The following NGLY1 variants were observed in gnomAD, a reference collection of about 807,000 sequenced individuals.
NGLY1 encodes the protein peptide-N(4)-(N-acetyl-beta-glucosaminyl)asparagine amidase.
NGLY1 carries 68 observed loss-of-function variants against 84.6 expected under a neutral mutation model. That is an observed-to-expected ratio of 0.80 (90% confidence interval 0.66 to 0.98). The LOEUF is 0.98. Among genes scored for constraint, NGLY1 ranks in the 50% least tolerant of loss-of-function variants. NGLY1 has a pLI of 0.00. For missense variants in NGLY1, 779 were observed against 770.2 expected (o/e 1.01, Z -0.14); for synonymous variants, 280 against 275.2 (o/e 1.02, Z -0.17).
intron 1 of NGLY1, among the ~76,000 whole-genome samples, chr3:25,789,098 T>C (rs1203401772): frequency 1.3e-5 from 2 of 152,240 alleles, no homozygotes; most frequent in Admixed American, 6.5e-5. Flanking sequence ...GGATAGCATG[T>C]GAAAAACAGA....
At chr3:25,739,921 C>T in intron 4 of NGLY1, 122 bp from the exon 5 acceptor site, 1 of 746,696 alleles carries the variant, frequency 1.3e-6, no homozygotes. Context: ...TTAAGGTTTT[C>T]ACTAATAAGA....
At chr3:25,746,997 G>A (rs1014370617) in intron 4 of NGLY1, among the ~76,000 whole-genome samples, 4 of 152,030 alleles carry the variant, frequency 2.6e-5, no homozygotes, top group Admixed American at 6.6e-5. Flanking sequence ...AAATTAGCCC[G>A]GCTAATTTTT....
intron 1 of NGLY1, among the ~76,000 whole-genome samples, chr3:25,780,270 C>T (rs2125325239): frequency 6.6e-6 from 1 of 152,332 alleles, no homozygotes; most frequent in Middle Eastern, 3.4e-3. Flanking sequence ...CACTGCAGAA[C>T]ATTCGCATTC....
At chr3:25,783,603 G>A (rs1010359108), upstream of NGLY1, 1 of 403,036 alleles carries the variant, frequency 2.5e-6, no homozygotes, top group African/African-American at 2.3e-5. The surrounding 1 kb of genome is among the most constrained non-coding windows in gnomAD (Gnocchi z 4.5). Flanking sequence ...GGCAGGGGCG[G>A]GGTCGGGGGC....
At chr3:25,755,602 C>T in intron 3 of NGLY1, 1 of 1,479,442 alleles carries the variant, frequency 6.8e-7, no homozygotes, top group Non-Finnish European at 9.4e-7. Context: ...AACATGGTTT[C>T]ATCATAGAAC....
At chr3:25,780,775 C>G (rs748278814) in intron 1 of NGLY1, among the ~76,000 whole-genome samples, 1 of 151,912 alleles carries the variant, frequency 6.6e-6, no homozygotes, top group African/African-American at 2.4e-5. Flanking sequence ...TGAGCCACCA[C>G]GCCTGGCTAT....
intron 10 of NGLY1, among the ~76,000 whole-genome samples, chr3:25,723,521 G>C (rs980478084): frequency 6.6e-5 from 10 of 151,736 alleles, no homozygotes; most frequent in Non-Finnish European, 1.5e-4. Flanking sequence ...TGTATACTCA[G>C]TTTAGTAAAT....
At chr3:25,776,461 T>C (rs927759401) in intron 2 of NGLY1, among the ~76,000 whole-genome samples, 1 of 152,222 alleles carries the variant, frequency 6.6e-6, no homozygotes, top group East Asian at 1.9e-4. Context: ...TTAAATTCTT[T>C]ATGTTCGGAT....
chr3:25,754,815 A>G lies in NGLY1; in HGVS notation c.493-3552T>C, dbSNP rs1261729490. On this transcript the variant is annotated intron_variant, in intron 3 of 11. Transcript: ENST00000280700. Reference sequence around the variant, plus strand: ...TTTTTTTTTTTTTTTTGATACGAGCAACTGGGTCAGCACTTGAACCACTTG... The same window carrying G: ...TTTTTTTTTTTTTTTTGATACGAGCGACTGGGTCAGCACTTGAACCACTTG... The G allele has an allele frequency of 8.9e-6, 4 of 447,440 alleles. No individual in the cohort carries two copies. In the Admixed American group the frequency reaches 1.6e-4, roughly 18 times the overall value. The allele number at this position is 447,440 out of a possible 1,614,324, so 27.7% of individuals were successfully genotyped here. A position where few individuals can be genotyped will look rare whatever the true frequency, so the allele number is the denominator to read the frequency against.
At chr3:25,726,341 C>T (rs1417516649) in intron 10 of NGLY1, among the ~76,000 whole-genome samples, 3 of 152,120 alleles carry the variant, frequency 2.0e-5, no homozygotes, top group Non-Finnish European at 4.4e-5. Flanking sequence ...AGGTCTCTCC[C>T]TAAGAATTGT....
chr3:25,760,860 C>CAAAAAAAA (rs760535260), intron 3 of NGLY1, among the ~76,000 whole-genome samples: 2 of 71,676 alleles, frequency 2.8e-5, no homozygotes, highest in South Asian at 5.8e-4. Context: ...AACTCTGTCT[C>CAAAAAAAA]AAAAAAAAAA....
At chr3:25,732,507 A>G in intron 8 of NGLY1, 24 bp from the exon 9 acceptor site, 2 of 1,600,764 alleles carry the variant, frequency 1.2e-6, no homozygotes, top group Non-Finnish European at 1.7e-6. Flanking sequence ...TTTTTAAAAA[A>G]GTTGTTAAGA....
In NGLY1 at chr3:25,748,057, A is replaced by G. The variant is rs1706530204; in HGVS notation, c.658+3041T>C. ...CTTCACAATTAAGGCCTCTCCAGGG[A>G]AAAAGATTTTACCAGAGTCTTCTCT... On this transcript the variant is annotated intron_variant, in intron 4 of 11. Transcript: ENST00000280700. 5.9e-5 allele frequency among the ~76,000 whole-genome samples: 9 copies of G among 152,260 alleles called. No individual in the cohort carries two copies. The South Asian group carries it at 1.9e-3, about 32-fold the overall frequency.
chr3:25,720,168 T>G lies in NGLY1; in HGVS notation c.1635A>C (p.Gly545=). 1 of 1,613,826 alleles carries G rather than the reference T, an allele frequency of 6.2e-7. No homozygotes were observed. Among genetic ancestry groups the G allele is most frequent in the Non-Finnish European group, 8.5e-7 (1 of 1,179,822 alleles). ...TCCAGGAAATATAAGCAAAAGATGA[T>G]CCTTCCTTTCGGGCCAAATATACCT... ...WHMVYLARKE[G]SSFAYISWKF... is the part of the protein sequence containing the mutation. The change falls in exon 11 of 12, where the codon GGA becomes GGC. Residue 545 remains glycine, a synonymous_variant. Transcript: ENST00000280700.
At chr3:25,776,946 A>G (rs1363934365) in intron 2 of NGLY1, among the ~76,000 whole-genome samples, 1 of 152,216 alleles carries the variant, frequency 6.6e-6, no homozygotes, top group East Asian at 1.9e-4. Flanking sequence ...CCCTGCCTTC[A>G]TGGACTTTAT....
At position 25,767,041 on chromosome 3, in the gene NGLY1, C is replaced by G. The variant is rs146407457; in HGVS notation, c.247-2730G>C. On this transcript the variant is annotated intron_variant, in intron 2 of 11. Transcript: ENST00000280700. The stretch of plus-strand genomic sequence containing the variant: ...AGGCGCAGTGGCTCACGCCTGTAAT[C>G]CCAGCACTTTGGGAGACCGAGGCGG... 1.9e-3 allele frequency among the ~76,000 whole-genome samples: 293 copies of G among 152,250 alleles called. 1 individual carries two copies. The highest frequency in any genetic ancestry group is 3.2e-3 in the Non-Finnish European group (219 of 68,018).
In NGLY1 at chr3:25,783,181, G is replaced by A; in HGVS notation, c.131+79C>T. 1.5e-6 allele frequency: 2 copies of A among 1,349,326 alleles called. No homozygotes were observed. Among genetic ancestry groups the A allele is most frequent in the Middle Eastern group, 2.4e-4 (1 of 4,140 alleles). The allele number at this position is 1,349,326 out of a possible 1,614,324, so 83.6% of individuals were successfully genotyped here. ...TCGCTGCCCTCTGAAGCTCAGGCCG[G>A]ACGCCCCAGTCCCTGGCCGAACAAG... On this transcript the variant is annotated intron_variant, in intron 1 of 11. Coordinates refer to ENST00000280700, the MANE Select transcript of NGLY1 (RefSeq NM_018297.4). The surrounding 1 kb of genome is among the most constrained non-coding windows in gnomAD (Gnocchi z 4.5).
At position 25,729,300 on chromosome 3, in the gene NGLY1, T is replaced by A. The variant is rs890750095; in HGVS notation, c.1444A>T (p.Ile482Phe). ...GAAATCTTCTCATTTTCACAGGGAA[T>A]AAACAAGGTTTCTTTTCTCTTAAAA... is the stretch of plus-strand genomic sequence containing the variant. The part of the protein sequence containing the change: ...MGLQRKETLF[I>F]PCENEKISKQ... The change falls in exon 10 of 12, where the codon ATT becomes TTT. Residue 482 changes from isoleucine (I) to phenylalanine (F), a missense_variant. Coordinates refer to ENST00000280700, the MANE Select transcript of NGLY1 (RefSeq NM_018297.4). 7.1e-7 allele frequency: 1 copy of A among 1,413,036 alleles called. No homozygotes were observed. Among genetic ancestry groups the A allele is most frequent in the African/African-American group, 1.5e-5 (1 of 68,122 alleles). 87.5% of individuals were successfully genotyped at this position (1,413,036 alleles called of 1,614,324 possible).
At chr3:25,730,431 T>C (rs763006686) in intron 9 of NGLY1, 3 of 152,162 alleles carry the variant, frequency 2.0e-5, no homozygotes, top group Admixed American at 6.6e-5. Context: ...CAATGTGGTA[T>C]GCAACCCAAT....
Sources: allele counts gnomAD v4.1 joint callset (sites outside exome capture counted in the v4.1 genomes callset), GRCh38; gene constraint gnomAD v4.1.1; non-coding constraint Gnocchi (gnomAD v3.1); transcripts MANE v1.5; gene names NCBI Gene and HGNC (gene_info 2026-07-23, HGNC 2026-07-21).